The following ZSWIM6 variants were observed in gnomAD, a reference collection of about 807,000 sequenced individuals.
ZSWIM6 encodes zinc finger SWIM-type containing 6.
A neutral mutation model predicts 113.2 loss-of-function variants in ZSWIM6; 9 were observed. The observed-to-expected ratio is 0.08, with a 90% CI of 0.05 to 0.14. The LOEUF (loss-of-function observed/expected upper bound fraction) is 0.14, where lower values mean the gene tolerates loss of function less well. Among genes scored for constraint, ZSWIM6 ranks in the 10% least tolerant of loss-of-function variants. ZSWIM6 has a pLI of 1.00. For synonymous variants in ZSWIM6, 611 were observed against 606.5 expected, an observed-to-expected ratio of 1.01 and a Z score of -0.11; for missense variants, 1,162 against 1,552.2, an observed-to-expected ratio of 0.75 and a Z score of 4.22.
chr5:61,523,700 A>AG (rs1749198973), intron 5 of ZSWIM6, among the ~76,000 whole-genome samples: 1 of 152,180 alleles, frequency 6.6e-6, no homozygotes, highest in Non-Finnish European at 1.5e-5. Flanking sequence ...GTCAAACCAA[A>AG]TTTTTAATTG....
intron 1 of ZSWIM6, among the ~76,000 whole-genome samples, chr5:61,455,207 C>G (rs1395480104): frequency 1.3e-5 from 2 of 152,152 alleles, no homozygotes; most frequent in African/African-American, 4.8e-5. Flanking sequence ...AAAGATGTTA[C>G]TACATCATAT....
At chr5:61,391,553 C>T (rs1175228029) in intron 1 of ZSWIM6, 10 of 977,726 alleles carry the variant, frequency 1.0e-5, no homozygotes, top group African/African-American at 4.8e-5. Flanking sequence ...ATGTGCTCAG[C>T]GAAGACAGTA....
chr5:61,513,403 A>G (rs969527845), intron 4 of ZSWIM6, among the ~76,000 whole-genome samples: 1 of 152,002 alleles, frequency 6.6e-6, no homozygotes. Flanking sequence ...AGTTGCAGGT[A>G]TTTTCTCCTA....
intron 1 of ZSWIM6, chr5:61,390,882 A>G: frequency 2.2e-6 from 2 of 891,858 alleles, no homozygotes; most frequent in South Asian, 1.3e-5. Context: ...ACAGTCTTTC[A>G]GCATGACAAA....
chr5:61,358,489 G>T (rs998443277), intron 1 of ZSWIM6, among the ~76,000 whole-genome samples: 39 of 152,266 alleles, frequency 2.6e-4, no homozygotes, highest in African/African-American at 8.9e-4. Context: ...GACTGTCTTA[G>T]AATCCAGTTA....
In ZSWIM6 at chr5:61,538,792, C is replaced by T. The variant is rs1264617763; in HGVS notation, c.2382-22C>T. 10 of 1,537,710 alleles carry T rather than the reference C, an allele frequency of 6.5e-6. No individual in the cohort carries two copies. In the East Asian group the frequency reaches 2.0e-4, roughly 30 times the overall value. ...TGGTCAAGAAATAACTAGGGGCCAC[C>T]TTCCTTGTCTTCTCATTATAGGTTA... On this transcript the variant is annotated intron_variant, in intron 10 of 13. Transcript: ENST00000252744.
chr5:61,333,030 A>G (rs1744299816), intron 1 of ZSWIM6, 82 bp downstream of exon 1: 9 of 1,078,622 alleles, frequency 8.3e-6, no homozygotes, highest in Non-Finnish European at 1.0e-5. Flanking sequence ...TCTCCTGCGG[A>G]CAGCCCCTAG....
intron 1 of ZSWIM6, among the ~76,000 whole-genome samples, chr5:61,379,954 C>G (rs1253242335): frequency 6.6e-6 from 1 of 152,162 alleles, no homozygotes; most frequent in Non-Finnish European, 1.5e-5. Flanking sequence ...ATCTGATAGG[C>G]AAACTCTTAA....
At chr5:61,433,032 A>AAACTGTATTC (rs1746619378) in intron 1 of ZSWIM6, among the ~76,000 whole-genome samples, 1 of 152,220 alleles carries the variant, frequency 6.6e-6, no homozygotes, top group Admixed American at 6.5e-5. Flanking sequence ...GGAAGGAAGG[A>AAACTGTATTC]AACTGTATTC....
At chr5:61,391,829 C>T (rs997908450) in intron 1 of ZSWIM6, 22 of 782,468 alleles carry the variant, frequency 2.8e-5, no homozygotes, top group South Asian at 6.1e-5. Flanking sequence ...GGCAGGAAGC[C>T]GAGGGACCCA....
intron 4 of ZSWIM6, among the ~76,000 whole-genome samples, chr5:61,508,977 TTTA>T (rs1434389351): frequency 6.6e-6 from 1 of 152,176 alleles, no homozygotes; most frequent in Admixed American, 6.6e-5. Flanking sequence ...TAGAGTAGTT[TTTA>T]TTAACAAGAA....
chr5:61,391,851 G>A (rs1202714636), intron 1 of ZSWIM6: 13 of 710,976 alleles, frequency 1.8e-5, no homozygotes, highest in East Asian at 1.5e-4. Flanking sequence ...GTCTGGGAGC[G>A]GAGAACCTTC....
intron 2 of ZSWIM6, among the ~76,000 whole-genome samples, chr5:61,476,690 T>C (rs554623885): frequency 3.3e-5 from 5 of 152,328 alleles, no homozygotes; most frequent in African/African-American, 9.6e-5. Context: ...TAAGTACTTT[T>C]CTAGAGTCTT....
chr5:61,359,473 TGGGGAGGGGGAGTGCCTTCATCCAA>T (rs982237715), intron 1 of ZSWIM6, among the ~76,000 whole-genome samples: 2 of 152,086 alleles, frequency 1.3e-5, no homozygotes, highest in African/African-American at 2.4e-5. Context: ...GAGAAATCCC[TGGGGAGGGGGAGTGCCTTCATCCAA>T]GCTAGTTAAA....
At chr5:61,389,991 C>T (rs2112090590) in intron 1 of ZSWIM6, among the ~76,000 whole-genome samples, 1 of 152,352 alleles carries the variant, frequency 6.6e-6, no homozygotes, top group East Asian at 1.9e-4. Flanking sequence ...GCATCTGCAG[C>T]ATGAGACAGA....
chr5:61,357,463 A>G (rs1281346215), intron 1 of ZSWIM6, among the ~76,000 whole-genome samples: 2 of 151,866 alleles, frequency 1.3e-5, no homozygotes, highest in Admixed American at 6.6e-5. Flanking sequence ...TGGAAACACT[A>G]CCTAAAGAAG....
intron 4 of ZSWIM6, among the ~76,000 whole-genome samples, chr5:61,502,406 C>T (rs544861033): frequency 1.3e-5 from 2 of 152,084 alleles, no homozygotes; most frequent in Non-Finnish European, 2.9e-5. Flanking sequence ...CAGACACTGC[C>T]CTGCAGAGCC....
chr5:61,539,719 A>G lies in ZSWIM6; in HGVS notation c.2663A>G (p.Asp888Gly), dbSNP rs1561285216. Residue 888 changes from aspartate (D) to glycine (G), a missense_variant, in exon 12 of 14, where the codon GAC becomes GGC. Coordinates refer to ENST00000252744, the MANE Select transcript of ZSWIM6 (RefSeq NM_020928.2). ...GCAACTCTCATGGACAGTTTGCCAG[A>G]CATCACTCTTTTGAAAGTGTCTCTG... ...KIATLMDSLPDITLLKVSLEL... is the reference protein window; with the variant it reads ...KIATLMDSLPGITLLKVSLEL... 6.4e-7 allele frequency: 1 copy of G among 1,551,656 alleles called. No individual in the cohort carries two copies. Among genetic ancestry groups the G allele is most frequent in the East Asian group, 2.4e-5 (1 of 40,926 alleles).
chr5:61,375,481 G>A, intron 1 of ZSWIM6: 1 of 1,553,770 alleles, frequency 6.4e-7, no homozygotes. Flanking sequence ...TTCTGAAGAT[G>A]AGGATAAGAA....
Sources: gnomAD v4.1 joint callset for allele counts (sites outside exome capture counted in the v4.1 genomes callset) on GRCh38, gnomAD v4.1.1 for gene constraint, MANE v1.5 for transcripts, NCBI Gene and HGNC (gene_info 2026-07-23, HGNC 2026-07-21) for gene names.